Variants in MAST2 observed in about 807,000 individuals in gnomAD.
MAST2 encodes the protein microtubule-associated serine/threonine-protein kinase 2.
MAST2 carries 70 observed loss-of-function variants against 147.4 expected under a neutral mutation model. The ratio of observed to expected loss-of-function variants is 0.47; its 90% confidence interval spans 0.39 to 0.58. The LOEUF (loss-of-function observed/expected upper bound fraction) is 0.58, where lower values mean the gene tolerates loss of function less well. Ranked by LOEUF, MAST2 falls within the 20% of genes least tolerant of loss-of-function variation. MAST2 has a pLI of 0.00. For synonymous variants in MAST2, 869 were observed against 896.8 expected, an observed-to-expected ratio of 0.97 and a Z score of 0.55; for missense variants, 2,080 against 2,302.3, an observed-to-expected ratio of 0.90 and a Z score of 1.98.
intron 5 of MAST2, among the ~76,000 whole-genome samples, chr1:45,967,332 A>G (rs1410282941): frequency 1.3e-5 from 2 of 152,100 alleles, no homozygotes; most frequent in African/African-American, 2.4e-5. Context: ...AGCCTACCAA[A>G]GTGCTAGGAT....
intron 5 of MAST2, among the ~76,000 whole-genome samples, chr1:45,989,719 T>A (rs1469245125): frequency 6.8e-6 from 1 of 146,122 alleles, no homozygotes; most frequent in Admixed American, 7.0e-5. Flanking sequence ...CCTAAAATAG[T>A]GCACAGTACT....
chr1:45,812,276 A>G (rs539257215), intron 1 of MAST2, among the ~76,000 whole-genome samples: 1 of 152,152 alleles, frequency 6.6e-6, no homozygotes, highest in East Asian at 1.9e-4. Flanking sequence ...TGAAATATTT[A>G]GTTTCATCAA....
At chr1:45,932,302 A>C (rs1330808249) in intron 4 of MAST2, among the ~76,000 whole-genome samples, 1 of 152,122 alleles carries the variant, frequency 6.6e-6, no homozygotes, top group East Asian at 1.9e-4. Context: ...AATTCTTTCT[A>C]TACCCATCAG....
chr1:46,032,377 T>A lies in MAST2; in HGVS notation c.3387T>A (p.Asp1129Glu). 1 of 1,613,518 alleles carries A rather than the reference T, an allele frequency of 6.2e-7. No homozygotes were observed. Among genetic ancestry groups the A allele is most frequent in the Non-Finnish European group, 8.5e-7 (1 of 1,179,826 alleles). The change falls in exon 25 of 29, where the codon GAT becomes GAA. Residue 1129 changes from aspartate to glutamate, a missense_variant. Asp to Glu is a conservative substitution (Grantham distance 45). Coordinates refer to ENST00000361297, the MANE Select transcript of MAST2 (RefSeq NM_015112.3). ...TTCGCGTCTACATGGGTGACTCCGA[T>A]GTCTACACCGTGCACCATATGGTGT... ...RAIRVYMGDS[D>E]VYTVHHMVWH...
chr1:45,890,513 TC>T lies in MAST2; in HGVS notation c.500+8120del, dbSNP rs147632287. 5.9e-3 allele frequency among the ~76,000 whole-genome samples: 901 copies of T among 152,286 alleles called. 5 individuals are homozygous for T. Among genetic ancestry groups the T allele is most frequent in the Non-Finnish European group, 7.3e-3 (494 of 68,020 alleles). On this transcript the variant is annotated intron_variant, in intron 4 of 28. Transcript: ENST00000361297. ...ATCTGTCTCTTCTTCTTTTTCTTCT[TC>T]CTTCTCCCTCCTTCCTTATTTTTTC...
intron 3 of MAST2, among the ~76,000 whole-genome samples, chr1:45,865,747 T>A (rs1278654089): frequency 6.6e-6 from 1 of 152,212 alleles, no homozygotes; most frequent in Non-Finnish European, 1.5e-5. Flanking sequence ...TAGGCAACCT[T>A]CAACTGAGTT....
chr1:45,829,418 T>A, intron 2 of MAST2, 21 bp from the exon 3 acceptor site: 1 of 1,601,088 alleles, frequency 6.2e-7, no homozygotes, highest in Non-Finnish European at 8.5e-7. Flanking sequence ...CATGTATATT[T>A]TCCAAACCTT....
intron 4 of MAST2, among the ~76,000 whole-genome samples, chr1:45,936,046 T>A (rs532084042): frequency 6.6e-6 from 1 of 152,346 alleles, no homozygotes; most frequent in Admixed American, 6.5e-5. Flanking sequence ...GTTTCCCATT[T>A]GTTTGTGTCA....
intron 5 of MAST2, 38 bp downstream of exon 5, chr1:45,959,515 G>T: frequency 6.4e-7 from 1 of 1,559,156 alleles, no homozygotes; most frequent in Non-Finnish European, 8.8e-7. Flanking sequence ...GAATGAAAGA[G>T]TGGCCACAGA....
intron 10 of MAST2, among the ~76,000 whole-genome samples, chr1:46,019,125 G>A (rs1478375427): frequency 1.3e-5 from 2 of 152,114 alleles, no homozygotes; most frequent in Non-Finnish European, 2.9e-5. Flanking sequence ...TATTAGAGTT[G>A]CCTGCTAATG....
At position 46,032,362 on chromosome 1, in the gene MAST2, C is replaced by T. The variant is rs764167175; in HGVS notation, c.3372C>T (p.Tyr1124=). 1 of 1,613,566 alleles carries T rather than the reference C, an allele frequency of 6.2e-7. No individual in the cohort carries two copies. Among genetic ancestry groups the T allele is most frequent in the South Asian group, 1.1e-5 (1 of 91,058 alleles). ...TCACCCTGCGGGCCATTCGCGTCTA[C>T]ATGGGTGACTCCGATGTCTACACCG... ...YGFTLRAIRV[Y]MGDSDVYTVH... Residue 1124 remains tyrosine, a synonymous_variant, in exon 25 of 29, where the codon TAC becomes TAT. Transcript: ENST00000361297.
chr1:46,034,547 A>C lies in MAST2; in HGVS notation c.3878A>C (p.Asn1293Thr), dbSNP rs566519352. The C allele has an allele frequency of 5.0e-6, 8 of 1,612,912 alleles. No homozygotes were observed. The highest frequency in any genetic ancestry group is 6.8e-6 in the Non-Finnish European group (8 of 1,179,458). ...TPDAVHSVGGNSSQSSSPSSS... is the reference protein window; with the variant it reads ...TPDAVHSVGGTSSQSSSPSSS... Reference sequence around the variant, plus strand: ...CTGTCTCTGTACAAAGTGGGAGGGAATTCATCACAGAGCAGCTCCCCCAGC... The same window carrying C: ...CTGTCTCTGTACAAAGTGGGAGGGACTTCATCACAGAGCAGCTCCCCCAGC... The change falls in exon 29 of 29, where the codon AAT becomes ACT. Residue 1293 changes from asparagine (N) to threonine (T), a missense_variant. Asn to Thr is a moderately conservative substitution (Grantham distance 65). Around this residue, in one of 4 missense-constraint regions of MAST2, gnomAD observed 1,278 missense variants for 1,304.2 expected, o/e 0.98. Transcript: ENST00000361297.
chr1:45,830,258 T>G (rs1644915321), intron 3 of MAST2, among the ~76,000 whole-genome samples: 1 of 135,406 alleles, frequency 7.4e-6, no homozygotes, highest in African/African-American at 2.8e-5. Flanking sequence ...CACTGCAACC[T>G]CTGTCTCCCA....
chr1:45,940,621 A>ATTTT (rs372778900), intron 4 of MAST2, among the ~76,000 whole-genome samples: 2 of 141,084 alleles, frequency 1.4e-5, no homozygotes, highest in Non-Finnish European at 1.5e-5. Context: ...AAGGTTGAGG[A>ATTTT]TTTTTTTTTT....
At chr1:45,895,444 T>C (rs1248677761) in intron 4 of MAST2, among the ~76,000 whole-genome samples, 1 of 152,220 alleles carries the variant, frequency 6.6e-6, no homozygotes, top group African/African-American at 2.4e-5. Context: ...AACCCAGTTA[T>C]GTAAAGAAAA....
chr1:45,847,573 C>G lies in MAST2; in HGVS notation c.468+17992C>G, dbSNP rs1570355034. 5.0e-6 allele frequency: 4 copies of G among 796,554 alleles called. No homozygotes were observed. In the East Asian group the frequency reaches 1.5e-4, roughly 29 times the overall value. The allele number at this position is 796,554 out of a possible 1,614,324, so 49.3% of individuals were successfully genotyped here. A position where few individuals can be genotyped will look rare whatever the true frequency, so the allele number is the denominator to read the frequency against. On this transcript the variant is annotated intron_variant, in intron 3 of 28. Transcript: ENST00000361297. ...CTATATGGATGAATGACTTTTTTTC[C>G]CATCCTGCACTTTTTCCCTTTGGTG...
At position 45,897,751 on chromosome 1, in the gene MAST2, G is replaced by T. The variant is rs774065914; in HGVS notation, c.500+15356G>T. 3.5e-4 allele frequency among the ~76,000 whole-genome samples: 53 copies of T among 152,104 alleles called. 1 individual carries two copies. The highest frequency in any genetic ancestry group is 5.9e-4 in the Admixed American group (9 of 15,274). On this transcript the variant is annotated intron_variant, in intron 4 of 28. Transcript: ENST00000361297. ...TTGAGCCCTGGAAGCGGAGGTTGCG[G>T]TGAGCCATAATCACGCCGCTGCACT...
intron 3 of MAST2, among the ~76,000 whole-genome samples, chr1:45,868,584 A>C (rs11211208): frequency 0.44 from 67,375 of 151,696 alleles, 15,120 homozygotes; most frequent in East Asian, 0.6. Context: ...GAGTACTTAG[A>C]GTGTCATTGT....
At chr1:45,924,776 T>G (rs1300335963) in intron 4 of MAST2, among the ~76,000 whole-genome samples, 1 of 152,176 alleles carries the variant, frequency 6.6e-6, no homozygotes, top group African/African-American at 2.4e-5. Flanking sequence ...AAATGAAGTC[T>G]TTGAGATAGA....
Sources: allele counts gnomAD v4.1 joint callset (sites outside exome capture counted in the v4.1 genomes callset), GRCh38; gene constraint gnomAD v4.1.1; regional missense constraint gnomAD v4.1.1; transcripts MANE v1.5; gene names NCBI Gene and HGNC (gene_info 2026-07-23, HGNC 2026-07-21).